Variants in SLCO2A1 observed in about 807,000 individuals in gnomAD.
The protein encoded by SLCO2A1 is solute carrier organic anion transporter family member 2A1.
SLCO2A1 carries 60 observed loss-of-function variants against 71.7 expected under a neutral mutation model. That is an observed-to-expected ratio of 0.84 (90% confidence interval 0.68 to 1.04). The LOEUF (loss-of-function observed/expected upper bound fraction) is 1.04. Ranked by LOEUF, SLCO2A1 falls within the 50% of genes least tolerant of loss-of-function variation. The pLI is 0.00. For synonymous variants in SLCO2A1, 308 were observed against 326.7 expected (o/e 0.94, Z 0.62); for missense variants, 745 against 813.4 (o/e 0.92, Z 1.02).
At chr3:133,962,236 C>T (rs534228716) in intron 3 of SLCO2A1, among the ~76,000 whole-genome samples, 11 of 152,076 alleles carry the variant, frequency 7.2e-5, no homozygotes, top group Admixed American at 1.3e-4. Context: ...CATGCTACCA[C>T]GCCCAGCAAA....
intron 3 of SLCO2A1, among the ~76,000 whole-genome samples, chr3:133,962,589 G>A (rs866597144): frequency 2.0e-5 from 3 of 152,172 alleles, no homozygotes; most frequent in African/African-American, 7.2e-5. Flanking sequence ...GACAGAATGG[G>A]GGACTTGAGT....
chr3:133,983,711 A>G (rs1049079146), intron 1 of SLCO2A1, among the ~76,000 whole-genome samples: 6 of 152,212 alleles, frequency 3.9e-5, no homozygotes, highest in African/African-American at 1.2e-4. Context: ...GGTTGCTTCT[A>G]AAAATCCCAG....
intron 10 of SLCO2A1, among the ~76,000 whole-genome samples, chr3:133,944,360 C>T (rs1038923301): frequency 6.6e-6 from 1 of 152,210 alleles, no homozygotes; most frequent in Non-Finnish European, 1.5e-5. Flanking sequence ...TCAGCACTCA[C>T]GGCTGTGCCC....
rs754232199 is a variant in SLCO2A1 at position 134,017,877 on chromosome 3, A to C, written c.96+11830T>G. On this transcript the variant is annotated intron_variant, in intron 1 of 13. Coordinates refer to ENST00000310926, the MANE Select transcript of SLCO2A1 (RefSeq NM_005630.3). ...CAAAGGGAAGCCACGTGCACATCTC[A>C]ACGTTCCAACATCACTTCTGGATCT... Among the ~76,000 whole-genome samples, 3 of 152,266 alleles carry C rather than the reference A, an allele frequency of 2.0e-5. No homozygotes were observed. In the South Asian group the frequency reaches 6.2e-4, roughly 32 times the overall value.
At chr3:134,018,535 A>T (rs1225087103) in intron 1 of SLCO2A1, among the ~76,000 whole-genome samples, 1 of 152,044 alleles carries the variant, frequency 6.6e-6, no homozygotes, top group Non-Finnish European at 1.5e-5. Flanking sequence ...CCTTCTTCCC[A>T]CTATTCTCCA....
At chr3:134,014,583 G>A (rs905897231) in intron 1 of SLCO2A1, among the ~76,000 whole-genome samples, 1 of 152,196 alleles carries the variant, frequency 6.6e-6, no homozygotes, top group African/African-American at 2.4e-5. Flanking sequence ...AGGTCTCCTA[G>A]AAGAGTCCAG....
At chr3:134,006,258 C>T (rs1214510379) in intron 1 of SLCO2A1, among the ~76,000 whole-genome samples, 1 of 152,018 alleles carries the variant, frequency 6.6e-6, no homozygotes, top group Non-Finnish European at 1.5e-5. Flanking sequence ...CACTTTGTTG[C>T]CCAGGCTGGT....
intron 3 of SLCO2A1, among the ~76,000 whole-genome samples, chr3:133,968,622 G>T (rs1317680990): frequency 6.6e-6 from 1 of 152,204 alleles, no homozygotes; most frequent in East Asian, 1.9e-4. Flanking sequence ...GAAGCTTCCT[G>T]CCTGCGGCAT....
chr3:133,977,665 T>C (rs1449848741), intron 2 of SLCO2A1, among the ~76,000 whole-genome samples: 1 of 152,102 alleles, frequency 6.6e-6, no homozygotes, highest in Non-Finnish European at 1.5e-5. Flanking sequence ...GGTGGGTAAT[T>C]AGGGATGCCT....
At chr3:133,999,764 G>C (rs1935061758) in intron 1 of SLCO2A1, among the ~76,000 whole-genome samples, 1 of 152,144 alleles carries the variant, frequency 6.6e-6, no homozygotes, top group Non-Finnish European at 1.5e-5. Flanking sequence ...AAATGTAAGG[G>C]TGATTAGAGG....
Position 133,947,242 on chromosome 3 carries a change from C to G in SLCO2A1, c.1295+14G>C. The G allele has an allele frequency of 6.2e-7, 1 of 1,611,870 alleles. No homozygotes were observed. The highest frequency in any genetic ancestry group is 8.5e-7 in the Non-Finnish European group (1 of 1,178,216). Reference sequence around the variant, plus strand: ...CTTATTAAAGGGGATCTCTCTACCCCTTATTCCCATTACCTAGGGGGGTAG... The same window carrying G: ...CTTATTAAAGGGGATCTCTCTACCCGTTATTCCCATTACCTAGGGGGGTAG... On this transcript the variant is annotated intron_variant, in intron 9 of 13. Coordinates refer to ENST00000310926, the MANE Select transcript of SLCO2A1 (RefSeq NM_005630.3).
intron 5 of SLCO2A1, among the ~76,000 whole-genome samples, chr3:133,952,135 G>A (rs1168380187): frequency 2.0e-5 from 3 of 152,204 alleles, no homozygotes; most frequent in African/African-American, 7.2e-5. Context: ...AGTGGACTGG[G>A]CACTCAGTTG....
rs1052310899 is a variant in SLCO2A1 at position 134,013,889 on chromosome 3, A to C, written c.96+15818T>G. On this transcript the variant is annotated intron_variant, in intron 1 of 13. Coordinates refer to ENST00000310926, the MANE Select transcript of SLCO2A1 (RefSeq NM_005630.3). The stretch of plus-strand genomic sequence containing the variant: ...CAGGAGTCAGGCCACATCCCCAGAC[A>C]TCTCCCCTCACGCACCTTGTCCTAC... Among the ~76,000 whole-genome samples the C allele has an allele frequency of 1.3e-5, 2 of 152,182 alleles. 1 individual carries two copies. Among genetic ancestry groups the C allele is most frequent in the South Asian group, 4.2e-4 (2 of 4,794 alleles).
chr3:133,989,764 A>G (rs930564950), intron 1 of SLCO2A1, among the ~76,000 whole-genome samples: 2 of 152,188 alleles, frequency 1.3e-5, no homozygotes, highest in Non-Finnish European at 2.9e-5. Flanking sequence ...ACATCTCAAA[A>G]TAATACACTT....
intron 2 of SLCO2A1, among the ~76,000 whole-genome samples, chr3:133,976,420 G>A (rs1934450069): frequency 6.6e-6 from 1 of 152,196 alleles, no homozygotes; most frequent in African/African-American, 2.4e-5. Flanking sequence ...GGGGATCTCA[G>A]GGAGGAGGGA....
At chr3:133,994,311 G>A (rs1201933233) in intron 1 of SLCO2A1, among the ~76,000 whole-genome samples, 1 of 152,332 alleles carries the variant, frequency 6.6e-6, no homozygotes, top group Non-Finnish European at 1.5e-5. Flanking sequence ...GCAAATAGTA[G>A]CAGGCTACTG....
In SLCO2A1 at chr3:133,938,482, T is replaced by C. The variant is rs756025715; in HGVS notation, c.1637A>G (p.Gln546Arg). 2.5e-6 allele frequency: 4 copies of C among 1,614,070 alleles called. No individual in the cohort carries two copies. Among genetic ancestry groups the C allele is most frequent in the South Asian group, 2.2e-5 (2 of 91,068 alleles). The change falls in exon 12 of 14, where the codon CAG becomes CGG. Residue 546 changes from glutamine (Q) to arginine (R), a missense_variant. Transcript: ENST00000310926. ...LYMMVLRVVN[Q>R]EEKSFAIGVQ... Reference sequence around the variant, plus strand: ...CCCGATGGCAAATGACTTTTCCTCCTGGTTCACCACACTGAAAAGACAGAC... The same window carrying C: ...CCCGATGGCAAATGACTTTTCCTCCCGGTTCACCACACTGAAAAGACAGAC...
In SLCO2A1 at chr3:133,933,811, G is replaced by T. The variant is rs1419696396; in HGVS notation, c.*902C>A. 1 of 152,252 alleles carries T rather than the reference G, an allele frequency of 6.6e-6. No individual in the cohort carries two copies. The highest frequency in any genetic ancestry group is 1.5e-5 in the Non-Finnish European group (1 of 68,060). The allele number at this position is 152,252 out of a possible 1,614,324, so 9.4% of individuals were successfully genotyped here. A position where few individuals can be genotyped will look rare whatever the true frequency, so the allele number is the denominator to read the frequency against. On this transcript the variant is annotated 3_prime_UTR_variant, in exon 14 of 14. Transcript: ENST00000310926. Reference sequence around the variant, plus strand: ...TGAAGCCACCTCATCTGCTGCCAGGGAGATGTGGGAGGTTCTTCCCATTAC... The same window carrying T: ...TGAAGCCACCTCATCTGCTGCCAGGTAGATGTGGGAGGTTCTTCCCATTAC...
chr3:133,998,300 A>G (rs1185093639), intron 1 of SLCO2A1, among the ~76,000 whole-genome samples: 1 of 152,050 alleles, frequency 6.6e-6, no homozygotes, highest in Non-Finnish European at 1.5e-5. Context: ...GTCCCTCCAA[A>G]TTTGCTCACT....
Sources: allele counts gnomAD v4.1 joint callset (sites outside exome capture counted in the v4.1 genomes callset), GRCh38; gene constraint gnomAD v4.1.1; transcripts MANE v1.5; gene names NCBI Gene and HGNC (gene_info 2026-07-23, HGNC 2026-07-21).